UNC79: variants seen among roughly 807,000 people sequenced by gnomAD.
UNC79 encodes the protein unc-79 subunit of NALCN channel complex.
A neutral mutation model predicts 283.1 loss-of-function variants in UNC79; 37 were observed. The observed-to-expected ratio is 0.13, with a 90% CI of 0.10 to 0.17. The LOEUF (loss-of-function observed/expected upper bound fraction) is 0.17, where lower values mean the gene tolerates loss of function less well. UNC79 is among the 10% of genes least tolerant of loss of function. The pLI is 1.00. For synonymous variants in UNC79, 1,107 were observed against 1,200.2 expected, an observed-to-expected ratio of 0.92 and a Z score of 1.61; for missense variants, 2,272 against 3,211.1, an observed-to-expected ratio of 0.71 and a Z score of 7.07.
intron 1 of UNC79, among the ~76,000 whole-genome samples, chr14:93,353,188 T>C (rs2054013736): frequency 6.6e-6 from 1 of 152,200 alleles, no homozygotes. Flanking sequence ...TTTTGTAGTA[T>C]GTGGAACTAC....
At chr14:93,336,655 A>G (rs2053583636) in intron 1 of UNC79, among the ~76,000 whole-genome samples, 1 of 152,252 alleles carries the variant, frequency 6.6e-6, no homozygotes, top group African/African-American at 2.4e-5. Flanking sequence ...TAATTATTAA[A>G]TTAACAAATA....
intron 37 of UNC79, 146 bp from the exon 41 acceptor site, chr14:93,655,088 A>G: frequency 1.3e-6 from 1 of 750,726 alleles, no homozygotes; most frequent in South Asian, 2.8e-5. Context: ...TTATCCTTCC[A>G]GTCTATCACA....
At chr14:93,580,890 G>A (rs965491997) in intron 19 of UNC79, among the ~76,000 whole-genome samples, 1 of 151,756 alleles carries the variant, frequency 6.6e-6, no homozygotes, top group African/African-American at 2.4e-5. Flanking sequence ...ATTATTTTTT[G>A]TGGAGACGGG....
At chr14:93,376,867 AAAAATATATAAAATATAT>A (rs542165298) in intron 1 of UNC79, among the ~76,000 whole-genome samples, 3 of 148,048 alleles carry the variant, frequency 2.0e-5, no homozygotes, top group Admixed American at 6.8e-5. Flanking sequence ...AATTATATAT[AAAAATATATAAAATATAT>A]AAAATATATA....
At chr14:93,495,100 C>T (rs2058956043) in intron 5 of UNC79, among the ~76,000 whole-genome samples, 1 of 152,138 alleles carries the variant, frequency 6.6e-6, no homozygotes, top group Admixed American at 6.5e-5. Flanking sequence ...GTCACGTGGC[C>T]ATCTCTAGCT....
In UNC79 at chr14:93,404,486, T is replaced by TA. The variant is rs34406486; in HGVS notation, c.-350-63177dup. Among the ~76,000 whole-genome samples the TA allele has an allele frequency of 3.8e-3, 203 of 53,014 alleles. 13 individuals carry two copies. The highest frequency in any genetic ancestry group is 0.01 in the African/African-American group (126 of 12,566). 34.8% of individuals were successfully genotyped at this position (53,014 alleles called of 152,430 possible). A position where few individuals can be genotyped will look rare whatever the true frequency, so the allele number is the denominator to read the frequency against. On this transcript the variant is annotated intron_variant, in intron 1 of 49. Transcript: ENST00000256339. ...GGCTGAATGACAGAGTGAGACCTTC[T>TA]AAAAAAAATATATATATATATATAT...
intron 5 of UNC79, among the ~76,000 whole-genome samples, chr14:93,490,326 A>C (rs1312022467): frequency 6.6e-6 from 1 of 152,152 alleles, no homozygotes; most frequent in East Asian, 1.9e-4. Context: ...AGGCTTCTTC[A>C]TCCTGTCAAT....
chr14:93,529,463 A>G, intron 10 of UNC79, 137 bp downstream of exon 10: 3 of 895,068 alleles, frequency 3.4e-6, no homozygotes, highest in Non-Finnish European at 5.0e-6. Flanking sequence ...ATTGATATGA[A>G]GCATAATATC....
intron 1 of UNC79, among the ~76,000 whole-genome samples, chr14:93,460,378 C>G (rs1041937863): frequency 6.6e-6 from 1 of 151,574 alleles, no homozygotes; most frequent in South Asian, 2.1e-4. Context: ...GGTGTGGTGG[C>G]GTGCACCTGT....
intron 1 of UNC79, among the ~76,000 whole-genome samples, chr14:93,373,782 G>C (rs549170339): frequency 6.6e-6 from 1 of 152,158 alleles, no homozygotes; most frequent in Non-Finnish European, 1.5e-5. Flanking sequence ...AATAAAGCCA[G>C]ACAAAAACAT....
In UNC79 at chr14:93,622,714, C is replaced by T. The variant is rs749708792; in HGVS notation, c.5481C>T (p.Ser1827=). Residue 1827 remains serine, a synonymous_variant, in exon 30 of 49, where the codon TCC becomes TCT. Coordinates refer to ENST00000555664, the Ensembl canonical transcript of UNC79. ...TGGAAGAGGATGGAGCTGAGGAATC[C>T]GAATTTAAGATTCAGATTGTTCCCA... 53 of 1,613,958 alleles carry T rather than the reference C, an allele frequency of 3.3e-5. No individual in the cohort carries two copies. The highest frequency in any genetic ancestry group is 2.0e-4 in the Admixed American group (12 of 59,998).
intron 42 of UNC79, 77 bp from the exon 46 acceptor site, chr14:93,686,495 C>T (rs1297137018): frequency 9.4e-6 from 14 of 1,488,470 alleles, no homozygotes; most frequent in Admixed American, 5.1e-5. Context: ...TAGTAAACAA[C>T]GTGAAACCAG....
chr14:93,587,419 A>G (rs1233290423), intron 22 of UNC79, among the ~76,000 whole-genome samples: 1 of 152,192 alleles, frequency 6.6e-6, no homozygotes, highest in Non-Finnish European at 1.5e-5. Flanking sequence ...AACTTTTGCA[A>G]TCTTCCTGGA....
rs565061999 is a variant in UNC79, at chr14:93,529,153, A to T, written c.1053-133A>T. 2.3e-5 allele frequency: 18 copies of T among 794,664 alleles called. No individual in the cohort carries two copies. In the Admixed American group the frequency reaches 5.0e-4, roughly 22 times the overall value. 49.2% of individuals were successfully genotyped at this position (794,664 alleles called of 1,614,324 possible). On this transcript the variant is annotated intron_variant, in intron 9 of 48. Coordinates refer to ENST00000555664, the Ensembl canonical transcript of UNC79. Reference sequence around the variant, plus strand: ...AATGCATTAGACATTTTAAGAGTTTATTATGATAGTGCTCTTAATTATACT... The same window carrying T: ...AATGCATTAGACATTTTAAGAGTTTTTTATGATAGTGCTCTTAATTATACT...
Position 93,430,757 on chromosome 14 carries a change from G to T in UNC79, c.-273G>T. ...TCGGTCTCCCCGCCCACATCAACGC[G>T]GGCAGCTCCAGGAGGGGACGGACAG... On this transcript the variant is annotated 5_prime_UTR_variant, in exon 1 of 49. Coordinates refer to ENST00000555664, the Ensembl canonical transcript of UNC79. This position sits in a 1 kb window ranked among gnomAD's most constrained non-coding sequence, Gnocchi z 4.6. 1 of 379,790 alleles carries T rather than the reference G, an allele frequency of 2.6e-6. No individual in the cohort carries two copies. The highest frequency in any genetic ancestry group is 3.6e-5 in the South Asian group (1 of 27,654). The allele number at this position is 379,790 out of a possible 1,614,324, so 23.5% of individuals were successfully genotyped here.
exon 14 of UNC79, chr14:93,542,472 C>T: frequency 6.2e-7 from 1 of 1,613,392 alleles, no homozygotes; most frequent in Non-Finnish European, 8.5e-7. Context: ...CTAGGTGAGC[C>T]TCTGCACACC....
intron 26 of UNC79, among the ~76,000 whole-genome samples, chr14:93,610,540 C>T (rs1019384812): frequency 6.6e-6 from 1 of 152,092 alleles, no homozygotes; most frequent in Admixed American, 6.5e-5. Flanking sequence ...GCAATAATGG[C>T]CTTCTAGTTG....
At chr14:93,593,982 T>A in intron 23 of UNC79, 145 bp downstream of exon 23, 1 of 923,946 alleles carries the variant, frequency 1.1e-6, no homozygotes, top group Non-Finnish European at 1.6e-6. Flanking sequence ...GGGTTCTGCT[T>A]TGAGCTTCCT....
chr14:93,344,328 A>C (rs576109551), intron 1 of UNC79, among the ~76,000 whole-genome samples: 7 of 152,342 alleles, frequency 4.6e-5, no homozygotes, highest in African/African-American at 1.7e-4. Flanking sequence ...GTTGTTAGCA[A>C]TAGAAATGCA....
Sources: allele counts gnomAD v4.1 joint callset (sites outside exome capture counted in the v4.1 genomes callset), GRCh38; gene constraint gnomAD v4.1.1; non-coding constraint Gnocchi (gnomAD v3.1); transcripts MANE v1.5; gene names NCBI Gene and HGNC (gene_info 2026-07-23, HGNC 2026-07-21).